The following RAD18 variants were observed in gnomAD, a reference collection of about 807,000 sequenced individuals.
RAD18 encodes E3 ubiquitin-protein ligase RAD18.
In RAD18, 47 loss-of-function variants were observed where a neutral mutation model predicts 60.4. The ratio of observed to expected loss-of-function variants is 0.78; its 90% CI spans 0.62 to 0.99. The LOEUF is 0.99. RAD18 is among the 50% of genes least tolerant of loss of function. The pLI, the probability that RAD18 is intolerant of heterozygous loss-of-function variation, is 0.00. For missense variants in RAD18, 640 were observed against 593.3 expected (o/e 1.08, Z -0.82); for synonymous variants, 225 against 195.5 (o/e 1.15, Z -1.26).
rs559760785 is a variant in RAD18 at position 8,878,398 on chromosome 3, T to C, written c.*2959A>G. On this transcript the variant is annotated 3_prime_UTR_variant, in exon 13 of 13. Transcript: ENST00000264926. ...ATTACTGAAATGGTAAAAAATGTAA[T>C]GGTTGTGGTTTTCCCTCTTATGTTC... 6.6e-6 allele frequency: 1 copy of C among 152,226 alleles called. No homozygotes were observed. The highest frequency in any genetic ancestry group is 2.1e-4 in the South Asian group (1 of 4,818). The allele number at this position is 152,226 out of a possible 1,614,324, so 9.4% of individuals were successfully genotyped here.
chr3:8,937,471 C>G (rs1940672157), intron 6 of RAD18, among the ~76,000 whole-genome samples: 1 of 150,690 alleles, frequency 6.6e-6, no homozygotes. Flanking sequence ...TTTAAGGGGC[C>G]TCAGAATCTG....
At chr3:8,914,254 T>A (rs1940158302) in intron 7 of RAD18, among the ~76,000 whole-genome samples, 1 of 152,252 alleles carries the variant, frequency 6.6e-6, no homozygotes, top group Non-Finnish European at 1.5e-5. Context: ...TGCCTTTGAA[T>A]GCAAACAGCA....
chr3:8,910,226 G>A (rs1940083460), intron 9 of RAD18, among the ~76,000 whole-genome samples: 2 of 152,212 alleles, frequency 1.3e-5, no homozygotes, highest in South Asian at 2.1e-4. Flanking sequence ...ATTGGAAAGT[G>A]ATTTACACTT....
intron 3 of RAD18, 79 bp from the exon 4 acceptor site, chr3:8,947,369 G>T (rs1559797173): frequency 8.4e-7 from 1 of 1,196,986 alleles, no homozygotes; most frequent in Non-Finnish European, 1.2e-6. Context: ...GAAAATGTCT[G>T]ACCCATCCTC....
At chr3:8,904,099 C>A (rs1032692679) in intron 9 of RAD18, among the ~76,000 whole-genome samples, 4 of 152,174 alleles carry the variant, frequency 2.6e-5, no homozygotes, top group Admixed American at 6.5e-5. Flanking sequence ...TGACTTTCCT[C>A]CTCCAATGTG....
intron 2 of RAD18, among the ~76,000 whole-genome samples, chr3:8,952,399 T>A (rs554333410): frequency 6.6e-6 from 1 of 152,262 alleles, no homozygotes; most frequent in East Asian, 1.9e-4. Context: ...AGTCAAGAAA[T>A]CCTAAAACCT....
At chr3:8,955,327 G>A (rs944405369) in intron 2 of RAD18, among the ~76,000 whole-genome samples, 6 of 152,178 alleles carry the variant, frequency 3.9e-5, no homozygotes, top group Non-Finnish European at 8.8e-5. Context: ...GCTTTTCCAA[G>A]AGCTGGCCAG....
chr3:8,924,535 T>C (rs1471532261), intron 7 of RAD18, among the ~76,000 whole-genome samples: 1 of 140,914 alleles, frequency 7.1e-6, no homozygotes, highest in East Asian at 2.0e-4. Context: ...TATCCAGGAA[T>C]TGAACTCAGC....
In RAD18 at chr3:8,877,605, T is replaced by C. The variant is rs1665854324; in HGVS notation, c.*3752A>G. 1 of 152,242 alleles carries C rather than the reference T, an allele frequency of 6.6e-6. No homozygotes were observed. Among genetic ancestry groups the C allele is most frequent in the African/African-American group, 2.4e-5 (1 of 41,464 alleles). 9.4% of individuals were successfully genotyped at this position (152,242 alleles called of 1,614,324 possible). A position where few individuals can be genotyped will look rare whatever the true frequency, so the allele number is the denominator to read the frequency against. ...ATAGGCAAAAACAAAATCCGTCCAT[T>C]GCATGTTTGATAGTGCCATGAACCT... On this transcript the variant is annotated 3_prime_UTR_variant, in exon 13 of 13. Transcript: ENST00000264926.
At chr3:8,941,437 A>T in intron 5 of RAD18, 30 bp downstream of exon 5, 2 of 1,495,184 alleles carry the variant, frequency 1.3e-6, no homozygotes, top group Non-Finnish European at 1.8e-6. Flanking sequence ...AAAGATGTCC[A>T]TATTTCCACA....
intron 9 of RAD18, 32 bp downstream of exon 9, chr3:8,912,280 C>T (rs1575542572): frequency 6.8e-7 from 1 of 1,462,248 alleles, no homozygotes; most frequent in East Asian, 2.4e-5. Context: ...AACTGAAGCT[C>T]TTTACAAATT....
chr3:8,904,694 A>G (rs1258334266), intron 9 of RAD18, among the ~76,000 whole-genome samples: 1 of 152,180 alleles, frequency 6.6e-6, no homozygotes, highest in Non-Finnish European at 1.5e-5. Context: ...CTTAGAATCA[A>G]TGGGCTAACA....
intron 7 of RAD18, among the ~76,000 whole-genome samples, chr3:8,916,397 A>T (rs562009323): frequency 1.3e-5 from 2 of 152,350 alleles, no homozygotes; most frequent in South Asian, 4.1e-4. Context: ...CTAGGAGAGA[A>T]ATGAACATGG....
chr3:8,890,099 A>G (rs1349502979), intron 12 of RAD18: 2 of 379,966 alleles, frequency 5.3e-6, no homozygotes, highest in East Asian at 5.2e-5. Context: ...CACATTTCTC[A>G]GGACGTATCC....
intron 7 of RAD18, among the ~76,000 whole-genome samples, chr3:8,914,955 G>A (rs1940172048): frequency 2.6e-5 from 4 of 152,114 alleles, no homozygotes; most frequent in African/African-American, 9.6e-5. Context: ...TGGCTAACAC[G>A]ATGAAACCCC....
intron 8 of RAD18, among the ~76,000 whole-genome samples, chr3:8,913,020 C>T (rs886731669): frequency 8.1e-6 from 1 of 123,218 alleles, no homozygotes; most frequent in African/African-American, 3.0e-5. Flanking sequence ...CTTACAAACA[C>T]ACTACAAATG....
At chr3:8,923,268 C>A (rs1414482845) in intron 7 of RAD18, among the ~76,000 whole-genome samples, 1 of 152,176 alleles carries the variant, frequency 6.6e-6, no homozygotes, top group Non-Finnish European at 1.5e-5. Flanking sequence ...GTGACGAATG[C>A]ACAAGCCTCA....
At chr3:8,947,339 C>T in intron 3 of RAD18, 49 bp from the exon 4 acceptor site, 3 of 1,430,000 alleles carry the variant, frequency 2.1e-6, no homozygotes, top group Non-Finnish European at 2.0e-6. Flanking sequence ...CAATAATCAA[C>T]TTGTCATAAT....
At chr3:8,886,526 CACTG>C (rs753968740) in intron 12 of RAD18, among the ~76,000 whole-genome samples, 1 of 152,194 alleles carries the variant, frequency 6.6e-6, no homozygotes, top group Admixed American at 6.5e-5. Flanking sequence ...ATCCCATAAA[CACTG>C]ACTGACTGAC....
Sources: gnomAD v4.1 joint callset for allele counts (sites outside exome capture counted in the v4.1 genomes callset) on GRCh38, gnomAD v4.1.1 for gene constraint, MANE v1.5 for transcripts, NCBI Gene and HGNC (gene_info 2026-07-23, HGNC 2026-07-21) for gene names.